The following BRINP3 variants were observed in gnomAD, a reference collection of about 807,000 sequenced individuals.
BRINP3 encodes BMP/retinoic acid inducible neural specific 3, also known as BMP/retinoic acid-inducible neural-specific protein 3.
In BRINP3, 19 loss-of-function variants were observed where a neutral mutation model predicts 71.0. The ratio of observed to expected loss-of-function variants is 0.27; its 90% confidence interval spans 0.19 to 0.39. BRINP3 has a LOEUF of 0.39. Among genes scored for constraint, BRINP3 ranks in the 10% least tolerant of loss-of-function variants. The pLI, the probability that BRINP3 is intolerant of heterozygous loss-of-function variation, is 1.00. For missense variants in BRINP3, 959 were observed against 940.8 expected, an observed-to-expected ratio of 1.02 and a Z score of -0.25; for synonymous variants, 380 against 337.7, an observed-to-expected ratio of 1.13 and a Z score of -1.37.
intron 2 of BRINP3, among the ~76,000 whole-genome samples, chr1:190,348,951 T>C (rs1341762887): frequency 3.3e-5 from 5 of 152,162 alleles, no homozygotes; most frequent in African/African-American, 1.2e-4. Context: ...ATCTTTATTT[T>C]TGTTTACTCT....
At chr1:190,200,622 T>C (rs1028517765) in intron 6 of BRINP3, among the ~76,000 whole-genome samples, 2 of 152,128 alleles carry the variant, frequency 1.3e-5, no homozygotes, top group African/African-American at 2.4e-5. Flanking sequence ...TGATAGGATT[T>C]GACTCTATGT....
chr1:190,107,863 A>AT (rs34158005), intron 7 of BRINP3, among the ~76,000 whole-genome samples: 1 of 151,808 alleles, frequency 6.6e-6, no homozygotes, highest in East Asian at 1.9e-4. Flanking sequence ...ATGGCACTGA[A>AT]TTTTTTTTAA....
intron 6 of BRINP3, among the ~76,000 whole-genome samples, chr1:190,209,329 G>T (rs1655786053): frequency 6.6e-6 from 1 of 152,038 alleles, no homozygotes; most frequent in Non-Finnish European, 1.5e-5. Context: ...GCTTTCCTTT[G>T]TCCTATCTCA....
intron 4 of BRINP3, among the ~76,000 whole-genome samples, chr1:190,263,985 T>A (rs1436146942): frequency 6.6e-6 from 1 of 152,222 alleles, no homozygotes; most frequent in Admixed American, 6.5e-5. Context: ...TTGTATTGAC[T>A]ATGAAAGGTT....
intron 1 of BRINP3, among the ~76,000 whole-genome samples, chr1:190,475,046 G>A (rs182335247): frequency 6.0e-4 from 91 of 151,742 alleles, no homozygotes; most frequent in African/African-American, 2.1e-3. Flanking sequence ...TATATTCCAA[G>A]CTCTAGCTTC....
intron 6 of BRINP3, among the ~76,000 whole-genome samples, chr1:190,217,956 C>G (rs984984738): frequency 6.6e-6 from 1 of 152,036 alleles, no homozygotes. Context: ...AAACACATAA[C>G]ATGTAGTGAG....
At chr1:190,339,528 C>A in intron 2 of BRINP3, among the ~76,000 whole-genome samples, 1 of 151,884 alleles carries the variant, frequency 6.6e-6, no homozygotes, top group South Asian at 2.1e-4. Context: ...TACGTTAAAC[C>A]AGTAAATTAA....
chr1:190,416,747 T>C (rs1393177314), intron 2 of BRINP3, among the ~76,000 whole-genome samples: 2 of 152,160 alleles, frequency 1.3e-5, no homozygotes, highest in African/African-American at 4.8e-5. Context: ...AATCTACTAC[T>C]TGCAAATAAG....
At chr1:190,237,675 G>A (rs183095814) in intron 4 of BRINP3, among the ~76,000 whole-genome samples, 4 of 151,900 alleles carry the variant, frequency 2.6e-5, no homozygotes, top group East Asian at 3.9e-4. Context: ...TTCTTTATTC[G>A]CAGCACACAA....
At chr1:190,142,932 C>A (rs2102395799) in intron 7 of BRINP3, among the ~76,000 whole-genome samples, 1 of 152,016 alleles carries the variant, frequency 6.6e-6, no homozygotes, top group Non-Finnish European at 1.5e-5. Context: ...TCCTGAAAGG[C>A]CGTAAGTAGT....
At chr1:190,474,152 C>G (rs903417852) in intron 1 of BRINP3, among the ~76,000 whole-genome samples, 2 of 152,154 alleles carry the variant, frequency 1.3e-5, no homozygotes, top group African/African-American at 4.8e-5. Flanking sequence ...CCATTTCTTC[C>G]TCTAACCTTG....
At chr1:190,163,225 G>T (rs901560276) in intron 6 of BRINP3, among the ~76,000 whole-genome samples, 1 of 152,104 alleles carries the variant, frequency 6.6e-6, no homozygotes, top group Non-Finnish European at 1.5e-5. Flanking sequence ...TGTTAGGGAT[G>T]CCAGATAACA....
chr1:190,198,348 C>T (rs534937783), intron 6 of BRINP3, among the ~76,000 whole-genome samples: 3 of 152,288 alleles, frequency 2.0e-5, no homozygotes, highest in South Asian at 4.1e-4. Flanking sequence ...ATTTCTGCAG[C>T]CATCTTGAAT....
chr1:190,377,006 G>T (rs1244988167), intron 2 of BRINP3, among the ~76,000 whole-genome samples: 1 of 151,842 alleles, frequency 6.6e-6, no homozygotes, highest in Non-Finnish European at 1.5e-5. Context: ...CCATATGTTG[G>T]TACTGAATGC....
At chr1:190,410,241 C>T (rs1672574872) in intron 2 of BRINP3, among the ~76,000 whole-genome samples, 1 of 152,026 alleles carries the variant, frequency 6.6e-6, no homozygotes, top group African/African-American at 2.4e-5. Context: ...TACTCCTTTG[C>T]TAGTCAATTA....
At chr1:190,377,513 GAA>G (rs1315782445) in intron 2 of BRINP3, among the ~76,000 whole-genome samples, 2 of 150,604 alleles carry the variant, frequency 1.3e-5, no homozygotes, top group Non-Finnish European at 3.0e-5. Flanking sequence ...AAACTGAAAA[GAA>G]GAAGTGAAAC....
At chr1:190,411,565 A>C (rs1467943001) in intron 2 of BRINP3, among the ~76,000 whole-genome samples, 1 of 152,206 alleles carries the variant, frequency 6.6e-6, no homozygotes, top group Non-Finnish European at 1.5e-5. Flanking sequence ...TATATCTAGT[A>C]AATTGAATTT....
intron 5 of BRINP3, among the ~76,000 whole-genome samples, chr1:190,228,528 A>G (rs1657623546): frequency 6.6e-6 from 1 of 151,940 alleles, no homozygotes. Flanking sequence ...GATTGGTGGC[A>G]AGAAATGGTG....
At chr1:190,436,668 A>T (rs1200350253) in intron 2 of BRINP3, among the ~76,000 whole-genome samples, 2 of 151,840 alleles carry the variant, frequency 1.3e-5, no homozygotes, top group African/African-American at 4.8e-5. Context: ...ATCTCATACA[A>T]TTTAACAAAT....
Sources: allele counts gnomAD v4.1 joint callset (sites outside exome capture counted in the v4.1 genomes callset), GRCh38; gene constraint gnomAD v4.1.1; transcripts MANE v1.5; gene names NCBI Gene and HGNC (gene_info 2026-07-23, HGNC 2026-07-21).